Variants in MYO3A observed in about 807,000 individuals in gnomAD.
MYO3A encodes myosin-IIIa.
In MYO3A, 180 loss-of-function variants were observed where a neutral mutation model predicts 192.7. The observed-to-expected ratio is 0.93, with a 90% CI of 0.83 to 1.06. The LOEUF (loss-of-function observed/expected upper bound fraction) is 1.06. Ranked by LOEUF, MYO3A falls within the 50% of genes least tolerant of loss-of-function variation. The pLI, the probability that MYO3A is intolerant of heterozygous loss-of-function variation, is 0.00. For missense variants in MYO3A, 1,896 were observed against 1,905.0 expected (o/e 1.00, Z 0.09); for synonymous variants, 628 against 645.3 (o/e 0.97, Z 0.41).
rs75909195 is a variant in MYO3A at position 26,153,425 on chromosome 10, A to G, written c.2636-425A>G. On this transcript the variant is annotated intron_variant, in intron 23 of 34. Transcript: ENST00000642920. ...AGATTGAAAAAGGCCATTGCCTCCAACCATAGTTGATTTGCTTATAACCAC... is the reference window on the plus strand; with the variant it reads ...AGATTGAAAAAGGCCATTGCCTCCAGCCATAGTTGATTTGCTTATAACCAC... 4.6e-3 allele frequency among the ~76,000 whole-genome samples: 698 copies of G among 152,324 alleles called. 8 individuals are homozygous for G. Among genetic ancestry groups the G allele is most frequent in the African/African-American group, 0.015 (643 of 41,586 alleles).
intron 32 of MYO3A, chr10:26,201,000 T>G (rs1050774266): frequency 5.3e-6 from 1 of 187,512 alleles, no homozygotes; most frequent in African/African-American, 2.4e-5. Flanking sequence ...TTGTTTATAT[T>G]GGTCACTGTG....
intron 4 of MYO3A, among the ~76,000 whole-genome samples, chr10:25,995,681 G>A (rs1478290395): frequency 6.6e-6 from 1 of 152,190 alleles, no homozygotes; most frequent in Admixed American, 6.5e-5. Flanking sequence ...ATGGGGTTTT[G>A]GTGTGGATGT....
chr10:26,205,119 C>G (rs368139913), intron 34 of MYO3A, among the ~76,000 whole-genome samples: 2 of 151,946 alleles, frequency 1.3e-5, no homozygotes, highest in African/African-American at 4.8e-5. Context: ...GAACTGAGTG[C>G]CTTGTGATTT....
intron 6 of MYO3A, among the ~76,000 whole-genome samples, chr10:26,011,014 A>ATTGTTT (rs10636762): frequency 0.094 from 14,266 of 151,954 alleles, 1,158 homozygotes; most frequent in African/African-American, 0.21. Flanking sequence ...TACTTTGTGG[A>ATTGTTT]TTGTTTTTGT....
intron 10 of MYO3A, among the ~76,000 whole-genome samples, chr10:26,045,238 T>A (rs185491729): frequency 2.7e-4 from 41 of 152,290 alleles, no homozygotes; most frequent in African/African-American, 9.6e-4. Context: ...TGAGCACTTG[T>A]GAGACATACT....
intron 15 of MYO3A, among the ~76,000 whole-genome samples, chr10:26,091,166 G>T (rs933089710): frequency 6.6e-6 from 1 of 152,194 alleles, no homozygotes; most frequent in Admixed American, 6.5e-5. Context: ...AGAATGATTT[G>T]AGGAGCAGGG....
intron 7 of MYO3A, among the ~76,000 whole-genome samples, chr10:26,020,430 T>C (rs992883167): frequency 1.3e-5 from 2 of 152,222 alleles, no homozygotes; most frequent in Non-Finnish European, 2.9e-5. Flanking sequence ...AATTCTAGTG[T>C]GCCCACACAT....
intron 4 of MYO3A, among the ~76,000 whole-genome samples, chr10:25,957,793 G>A (rs1049676451): frequency 6.6e-6 from 1 of 152,134 alleles, no homozygotes; most frequent in Non-Finnish European, 1.5e-5. Flanking sequence ...ATTCTGACTG[G>A]TGTGAGACGG....
At chr10:26,195,151 C>T (rs1358726447) in intron 32 of MYO3A, among the ~76,000 whole-genome samples, 3 of 152,120 alleles carry the variant, frequency 2.0e-5, no homozygotes, top group Non-Finnish European at 4.4e-5. Context: ...TGTAGATTTG[C>T]CTATTCTGGA....
In MYO3A at chr10:26,193,197, T is replaced by G. The variant is rs750319762; in HGVS notation, c.4439-8T>G. The G allele has an allele frequency of 3.1e-6, 5 of 1,592,680 alleles. No individual in the cohort carries two copies. Among genetic ancestry groups the G allele is most frequent in the Non-Finnish European group, 4.3e-6 (5 of 1,160,774 alleles). ...TTAAATACTTGTTTATGATCACCTT[T>G]CTTATAGGTGTCTGTAAAGGAGAGG... On this transcript the variant is annotated splice_region_variant and splice_polypyrimidine_tract_variant and intron_variant, in intron 31 of 34. Transcript: ENST00000642920.
intron 4 of MYO3A, among the ~76,000 whole-genome samples, chr10:25,991,977 G>A (rs1400213948): frequency 6.6e-6 from 1 of 152,174 alleles, no homozygotes; most frequent in Non-Finnish European, 1.5e-5. Context: ...TTTTGGCTTA[G>A]GATTGACTTG....
chr10:26,133,660 C>A (rs1168879644), intron 20 of MYO3A, among the ~76,000 whole-genome samples: 1 of 152,194 alleles, frequency 6.6e-6, no homozygotes, highest in Admixed American at 6.5e-5. Context: ...GTGGCACAAT[C>A]AAGACTCACT....
intron 18 of MYO3A, among the ~76,000 whole-genome samples, chr10:26,123,444 A>G (rs1838996153): frequency 6.6e-6 from 1 of 152,200 alleles, no homozygotes; most frequent in Non-Finnish European, 1.5e-5. Flanking sequence ...ATGGAAGAAA[A>G]AAGTATTCAG....
intron 12 of MYO3A, among the ~76,000 whole-genome samples, chr10:26,069,307 A>T (rs1835050988): frequency 6.6e-6 from 1 of 152,078 alleles, no homozygotes; most frequent in African/African-American, 2.4e-5. Context: ...TGTCACTGTG[A>T]GTTAAAAATT....
intron 21 of MYO3A, among the ~76,000 whole-genome samples, chr10:26,145,143 C>T (rs1840380576): frequency 1.3e-5 from 2 of 148,940 alleles, no homozygotes; most frequent in South Asian, 2.1e-4. Flanking sequence ...CGCACCATTG[C>T]ACTCCAGCCT....
chr10:26,021,651 C>G lies in MYO3A; in HGVS notation c.731+3C>G. ...AGAGCACTCTTCAAAATACCAAGGT[C>G]AGATGACTAACATTGGGTCCAGTAT... is the stretch of plus-strand genomic sequence containing the variant. On this transcript the variant is annotated splice_donor_region_variant and intron_variant, in intron 8 of 34. Coordinates refer to ENST00000642920, the MANE Select transcript of MYO3A (RefSeq NM_017433.5). 1 of 1,614,078 alleles carries G rather than the reference C, an allele frequency of 6.2e-7. No homozygotes were observed. Among genetic ancestry groups the G allele is most frequent in the Non-Finnish European group, 8.5e-7 (1 of 1,179,956 alleles).
At chr10:26,018,814 T>C (rs1842120208) in intron 7 of MYO3A, among the ~76,000 whole-genome samples, 1 of 152,162 alleles carries the variant, frequency 6.6e-6, no homozygotes, top group South Asian at 2.1e-4. Flanking sequence ...GTAGATATCC[T>C]CTGACCACAC....
intron 2 of MYO3A, among the ~76,000 whole-genome samples, chr10:25,937,032 C>T (rs879413785): frequency 7.4e-6 from 1 of 135,500 alleles, no homozygotes; most frequent in Non-Finnish European, 1.6e-5. Context: ...TAGTTTCAAG[C>T]CTGAAATTGG....
At chr10:26,115,664 T>C (rs1397112610) in intron 17 of MYO3A, among the ~76,000 whole-genome samples, 1 of 152,214 alleles carries the variant, frequency 6.6e-6, no homozygotes, top group Non-Finnish European at 1.5e-5. Context: ...AACTAAATTC[T>C]CTTAAACACT....
Sources: gnomAD v4.1 joint callset for allele counts (sites outside exome capture counted in the v4.1 genomes callset) on GRCh38, gnomAD v4.1.1 for gene constraint, MANE v1.5 for transcripts, NCBI Gene and HGNC (gene_info 2026-07-23, HGNC 2026-07-21) for gene names.